The following RFX2 variants were observed in gnomAD, a reference collection of about 807,000 sequenced individuals.
RFX2 encodes DNA-binding protein RFX2.
A neutral mutation model predicts 87.8 loss-of-function variants in RFX2; 20 were observed. The ratio of observed to expected loss-of-function variants is 0.23; its 90% CI spans 0.16 to 0.33. The LOEUF is 0.33. RFX2 is among the 10% of genes least tolerant of loss of function. The pLI, the probability that RFX2 is intolerant of heterozygous loss-of-function variation, is 1.00. For synonymous variants in RFX2, 397 were observed against 431.3 expected (o/e 0.92, Z 0.98); for missense variants, 767 against 1,012.3 (o/e 0.76, Z 3.29).
Position 6,010,842 on chromosome 19 carries a change from C to T in RFX2, c.900-591G>A, listed in dbSNP as rs950128252. Among the ~76,000 whole-genome samples, 35 of 152,282 alleles carry T rather than the reference C, an allele frequency of 2.3e-4. No individual in the cohort carries two copies. The highest frequency in any genetic ancestry group is 6.3e-4 in the African/African-American group (26 of 41,556). On this transcript the variant is annotated intron_variant, in intron 8 of 17. Coordinates refer to ENST00000303657, the MANE Select transcript of RFX2 (RefSeq NM_000635.4). The surrounding 1 kb of genome is among the most constrained non-coding windows in gnomAD (Gnocchi z 5.0). ...AAAAAAAGTGAAATTCTTGGCCGGG[C>T]GCAGGGGCTCACGCCTGTAATCCCA...
chr19:6,108,394 C>G (rs1199404429), intron 1 of RFX2, among the ~76,000 whole-genome samples: 1 of 152,136 alleles, frequency 6.6e-6, no homozygotes. Flanking sequence ...AGGTAAGGAT[C>G]TTTCCATAAG....
rs2086652957 is a variant in RFX2, at chr19:6,011,005, A to G, written c.900-754T>C. ...GTGGCGCATGCCTTTAATCCCAGCG[A>G]CTCAGGAGGCTGAGGCAGGAGAATC... On this transcript the variant is annotated intron_variant, in intron 8 of 17. Coordinates refer to ENST00000303657, the MANE Select transcript of RFX2 (RefSeq NM_000635.4). The surrounding 1 kb of genome is among the most constrained non-coding windows in gnomAD (Gnocchi z 4.8). 6.6e-6 allele frequency among the ~76,000 whole-genome samples: 1 copy of G among 151,844 alleles called. No individual in the cohort carries two copies. The highest frequency in any genetic ancestry group is 1.5e-5 in the Non-Finnish European group (1 of 67,986).
Position 6,013,192 on chromosome 19 carries a change from T to G in RFX2, c.780-87A>C. 4.5e-6 allele frequency: 2 copies of G among 443,104 alleles called. No individual in the cohort carries two copies. The highest frequency in any genetic ancestry group is 6.6e-6 in the Non-Finnish European group (2 of 302,104). 27.4% of individuals were successfully genotyped at this position (443,104 alleles called of 1,614,324 possible). A position where few individuals can be genotyped will look rare whatever the true frequency, so the allele number is the denominator to read the frequency against. On this transcript the variant is annotated intron_variant, in intron 7 of 17. Coordinates refer to ENST00000303657, the MANE Select transcript of RFX2 (RefSeq NM_000635.4). This position sits in a 1 kb window ranked among gnomAD's most constrained non-coding sequence, Gnocchi z 4.1. ...TGGGATTCTTTTTCTTTCTTTCTTC[T>G]TTTTTTTTTTTGAGACAGAATCTCA...
rs2086674715 is a variant in RFX2, at chr19:6,012,617, G to A, written c.899+369C>T. Among the ~76,000 whole-genome samples, 1 of 152,174 alleles carries A rather than the reference G, an allele frequency of 6.6e-6. No homozygotes were observed. The highest frequency in any genetic ancestry group is 1.5e-5 in the Non-Finnish European group (1 of 68,022). ...CGGAGGGTCACGGGTCATGAGCAAT[G>A]CACCGCTGTGTGGGGGAGGTGAATG... On this transcript the variant is annotated intron_variant, in intron 8 of 17. Coordinates refer to ENST00000303657, the MANE Select transcript of RFX2 (RefSeq NM_000635.4). The surrounding 1 kb of genome is among the most constrained non-coding windows in gnomAD (Gnocchi z 4.6).
intron 1 of RFX2, among the ~76,000 whole-genome samples, chr19:6,085,314 C>A (rs1329181571): frequency 6.6e-6 from 1 of 152,178 alleles, no homozygotes; most frequent in Admixed American, 6.5e-5. Flanking sequence ...TAACAGTCAT[C>A]GTAATGGGTG....
chr19:6,026,023 G>T lies in RFX2; in HGVS notation c.597+140C>A. On this transcript the variant is annotated intron_variant, in intron 6 of 17. Coordinates refer to ENST00000303657, the MANE Select transcript of RFX2 (RefSeq NM_000635.4). The surrounding 1 kb of genome is among the most constrained non-coding windows in gnomAD (Gnocchi z 4.5). The stretch of plus-strand genomic sequence containing the variant: ...TGGTCTCAAACTCCTGACTTCAAGT[G>T]ATCCACCCGCCTTGGCCTCCCAAAG... 1 of 659,052 alleles carries T rather than the reference G, an allele frequency of 1.5e-6. No homozygotes were observed. The highest frequency in any genetic ancestry group is 1.8e-5 in the South Asian group (1 of 54,664). 40.8% of individuals were successfully genotyped at this position (659,052 alleles called of 1,614,324 possible).
Position 6,004,642 on chromosome 19 carries a change from A to T in RFX2, c.1403-344T>A, listed in dbSNP as rs1346800823. ...TGCTCCTCAGCACCCCACAGTGCCCAGGAGGGCCCCACCCCAGACAACGAT... is the reference window on the plus strand; with the variant it reads ...TGCTCCTCAGCACCCCACAGTGCCCTGGAGGGCCCCACCCCAGACAACGAT... On this transcript the variant is annotated intron_variant, in intron 12 of 17. Coordinates refer to ENST00000303657, the MANE Select transcript of RFX2 (RefSeq NM_000635.4). This position sits in a 1 kb window ranked among gnomAD's most constrained non-coding sequence, Gnocchi z 4.8. Among the ~76,000 whole-genome samples the T allele has an allele frequency of 6.6e-6, 1 of 151,608 alleles. No individual in the cohort carries two copies. Among genetic ancestry groups the T allele is most frequent in the African/African-American group, 2.4e-5 (1 of 41,292 alleles).
chr19:6,037,215 C>T (rs1450864515), intron 5 of RFX2, among the ~76,000 whole-genome samples: 9 of 149,524 alleles, frequency 6.0e-5, no homozygotes, highest in South Asian at 2.1e-4. Context: ...ACCTGGGAGG[C>T]GGAGCTTGCA....
rs551685752 is a variant in RFX2, at chr19:6,061,060, C to A, written c.-8-13556G>T. ...GGGCTGTTCAAGGCACTGGGCATCT[C>A]CCTGCGCCCCGGGACACGTGTCGCT... On this transcript the variant is annotated intron_variant, in intron 1 of 17. Transcript: ENST00000303657. The surrounding 1 kb of genome is among the most constrained non-coding windows in gnomAD (Gnocchi z 5.2). Among the ~76,000 whole-genome samples, 2 of 152,306 alleles carry A rather than the reference C, an allele frequency of 1.3e-5. No individual in the cohort carries two copies. Among genetic ancestry groups the A allele is most frequent in the South Asian group, 4.1e-4 (2 of 4,828 alleles).
Position 6,011,325 on chromosome 19 carries a change from G to T in RFX2, c.900-1074C>A, listed in dbSNP as rs1484453111. Among the ~76,000 whole-genome samples, 2 of 152,156 alleles carry T rather than the reference G, an allele frequency of 1.3e-5. No homozygotes were observed. Among genetic ancestry groups the T allele is most frequent in the Non-Finnish European group, 2.9e-5 (2 of 68,032 alleles). On this transcript the variant is annotated intron_variant, in intron 8 of 17. Coordinates refer to ENST00000303657, the MANE Select transcript of RFX2 (RefSeq NM_000635.4). The surrounding 1 kb of genome is among the most constrained non-coding windows in gnomAD (Gnocchi z 4.8). ...GGCGCTGGACTCCTCAGGGCCCGGT[G>T]TGTGGTGTGGTGGGGGCAGGGAGGG... is the stretch of plus-strand genomic sequence containing the variant.
chr19:6,077,326 G>C (rs2087706417), intron 1 of RFX2, among the ~76,000 whole-genome samples: 1 of 152,224 alleles, frequency 6.6e-6, no homozygotes, highest in African/African-American at 2.4e-5. Context: ...AAGGGCACCA[G>C]GGTTAGCCAT....
intron 1 of RFX2, among the ~76,000 whole-genome samples, chr19:6,048,075 C>A (rs2087221277): frequency 6.6e-6 from 1 of 152,236 alleles, no homozygotes; most frequent in Non-Finnish European, 1.5e-5. Context: ...CCTCCCCAAG[C>A]TGTGGCAATC....
chr19:6,008,627 G>C (rs533872447), intron 9 of RFX2, among the ~76,000 whole-genome samples: 6 of 151,092 alleles, frequency 4.0e-5, no homozygotes, highest in Non-Finnish European at 8.8e-5. Context: ...TGCCCACCTC[G>C]GCCTCCCAGA....
chr19:6,060,395 G>A (rs900072789), intron 1 of RFX2, among the ~76,000 whole-genome samples: 6 of 152,044 alleles, frequency 3.9e-5, no homozygotes, highest in East Asian at 1.9e-4. Flanking sequence ...AGAGCCTTCC[G>A]TCTCCCTCCA....
In RFX2 at chr19:6,074,909, A is replaced by G. The variant is rs1477747208; in HGVS notation, c.-8-27405T>C. Among the ~76,000 whole-genome samples the G allele has an allele frequency of 6.6e-6, 1 of 152,046 alleles. No individual in the cohort carries two copies. The highest frequency in any genetic ancestry group is 1.5e-5 in the Non-Finnish European group (1 of 67,996). ...GGGGTTGAATGTTGTGTCCCCTTAA[A>G]TTCCTATGCTGAACTCCTCACCCCA... On this transcript the variant is annotated intron_variant, in intron 1 of 17. Transcript: ENST00000303657. This position sits in a 1 kb window ranked among gnomAD's most constrained non-coding sequence, Gnocchi z 5.2.
intron 1 of RFX2, among the ~76,000 whole-genome samples, chr19:6,048,005 G>A (rs1187805626): frequency 1.3e-5 from 2 of 152,182 alleles, no homozygotes; most frequent in Admixed American, 1.3e-4. Flanking sequence ...GCCCATTCTG[G>A]GCACGGCAGG....
intron 1 of RFX2, among the ~76,000 whole-genome samples, chr19:6,078,941 A>G (rs1245002488): frequency 6.6e-6 from 1 of 152,144 alleles, no homozygotes; most frequent in African/African-American, 2.4e-5. Context: ...ATGCCCAGCT[A>G]ATTTTTGTAT....
chr19:6,087,498 C>T (rs1424599394), intron 1 of RFX2, among the ~76,000 whole-genome samples: 1 of 152,146 alleles, frequency 6.6e-6, no homozygotes, highest in Non-Finnish European at 1.5e-5. Flanking sequence ...TTTCTAGCAT[C>T]CACCCATCCA....
At chr19:6,025,342 A>G (rs2086873252) in intron 6 of RFX2, among the ~76,000 whole-genome samples, 1 of 152,148 alleles carries the variant, frequency 6.6e-6, no homozygotes, top group Non-Finnish European at 1.5e-5. Context: ...CCCAAGAGAC[A>G]AGGGGAGGAG....
Sources: gnomAD v4.1 joint callset for allele counts (sites outside exome capture counted in the v4.1 genomes callset) on GRCh38, gnomAD v4.1.1 for gene constraint, Gnocchi (gnomAD v3.1) non-coding constraint, MANE v1.5 for transcripts, NCBI Gene and HGNC (gene_info 2026-07-23, HGNC 2026-07-21) for gene names.